The following OR2A7 variants were observed in gnomAD, a reference collection of about 807,000 sequenced individuals.
The protein encoded by OR2A7 is olfactory receptor family 2 subfamily A member 7.
For missense variants in OR2A7, 35 were observed against 359.2 expected, an observed-to-expected ratio of 0.10 and a Z score of 7.30; for synonymous variants, 10 against 147.1, an observed-to-expected ratio of 0.07 and a Z score of 6.74.
intron 1 of OR2A7, among the ~76,000 whole-genome samples, chr7:144,262,184 T>G (rs2052655837): frequency 2.0e-5 from 3 of 151,736 alleles, no homozygotes; most frequent in Non-Finnish European, 2.9e-5. Flanking sequence ...GAATTGAGCT[T>G]CTGTCTCATT....
rs1302136269 is a variant in OR2A7, at chr7:144,260,742, C to A, written c.-4-1110G>T. On this transcript the variant is annotated intron_variant, in intron 1 of 1. Coordinates refer to ENST00000641841, the MANE Select transcript of OR2A7 (RefSeq NM_001005328.2). The stretch of plus-strand genomic sequence containing the variant: ...TTTGCACCGTGTCATTATCTAAACA[C>A]GAAAACAGGATCAGTAACTTTTGTT... Among the ~76,000 whole-genome samples, 13 of 151,914 alleles carry A rather than the reference C, an allele frequency of 8.6e-5. 1 individual carries two copies. The highest frequency in any genetic ancestry group is 3.1e-4 in the African/African-American group (13 of 41,428).
At chr7:144,260,624 T>G (rs1199395117) in intron 1 of OR2A7, among the ~76,000 whole-genome samples, 1 of 151,982 alleles carries the variant, frequency 6.6e-6, no homozygotes, top group African/African-American at 2.4e-5. Context: ...CTTATCCAAG[T>G]GTAAAGACTT....
intron 1 of OR2A7, among the ~76,000 whole-genome samples, chr7:144,260,657 T>G (rs528851159): frequency 1.3e-5 from 2 of 152,064 alleles, no homozygotes; most frequent in East Asian, 3.9e-4. Context: ...AGAACCTTAT[T>G]TTTTGTTATT....
chr7:144,264,254 A>ATTATT (rs911151461), intron 1 of OR2A7, among the ~76,000 whole-genome samples: 522 of 151,380 alleles, frequency 3.4e-3, no homozygotes, highest in African/African-American at 0.012. Context: ...ACTTTTTGTC[A>ATTATT]TTATTTTATT....
chr7:144,264,291 G>C (rs1403927404), intron 1 of OR2A7, among the ~76,000 whole-genome samples: 2 of 151,606 alleles, frequency 1.3e-5, no homozygotes, highest in South Asian at 2.1e-4. Context: ...GTGGAGTCTT[G>C]TTCTGTTGCC....
In OR2A7 at chr7:144,261,485, A is replaced by T. The variant is rs1332707979; in HGVS notation, c.-4-1853T>A. On this transcript the variant is annotated intron_variant, in intron 1 of 1. Coordinates refer to ENST00000641841, the MANE Select transcript of OR2A7 (RefSeq NM_001005328.2). ...ACCTCATCTCTTTTAAAAAATTTTT[A>T]AAATAGTAATTATATGAAAAAAAAA... is the stretch of plus-strand genomic sequence containing the variant. Among the ~76,000 whole-genome samples, 20 of 151,582 alleles carry T rather than the reference A, an allele frequency of 1.3e-4. 1 individual carries two copies. The highest frequency in any genetic ancestry group is 3.1e-4 in the African/African-American group (13 of 41,434).
rs1461364263 is a variant in OR2A7, at chr7:144,264,788, G to A, written c.-92C>T. Reference sequence around the variant, plus strand: ...ACGTATCCGCATCATTAAACAACACGTGATTGTATAGTGTTAGCTTTTTGT... The same window carrying A: ...ACGTATCCGCATCATTAAACAACACATGATTGTATAGTGTTAGCTTTTTGT... On this transcript the variant is annotated 5_prime_UTR_variant, in exon 1 of 2. It adds an upstream start codon to the 5' untranslated region. Transcript: ENST00000641841. 10 of 151,690 alleles carry A rather than the reference G, an allele frequency of 6.6e-5. No homozygotes were observed. The highest frequency in any genetic ancestry group is 1.5e-4 in the Non-Finnish European group (10 of 67,970). 9.4% of individuals were successfully genotyped at this position (151,690 alleles called of 1,614,324 possible). A position where few individuals can be genotyped will look rare whatever the true frequency, so the allele number is the denominator to read the frequency against.
chr7:144,262,691 C>CT (rs2052661279), intron 1 of OR2A7, among the ~76,000 whole-genome samples: 1 of 87,528 alleles, frequency 1.1e-5, no homozygotes, highest in African/African-American at 4.2e-5. Context: ...GCAAAATTTA[C>CT]TTTTGAAAAT....
intron 1 of OR2A7, among the ~76,000 whole-genome samples, chr7:144,264,250 T>G (rs1476710810): frequency 1.3e-5 from 2 of 151,968 alleles, no homozygotes; most frequent in Non-Finnish European, 2.9e-5. Flanking sequence ...CTAAACTTTT[T>G]GTCATTATTT....
intron 1 of OR2A7, 21 bp from the exon 2 acceptor site, chr7:144,259,653 T>C: frequency 1.2e-6 from 2 of 1,601,922 alleles, no homozygotes; most frequent in Non-Finnish European, 1.7e-6. Flanking sequence ...GGAAATCAAG[T>C]TAATGCTCAT....
At chr7:144,264,441 G>T (rs1448784595) in intron 1 of OR2A7, among the ~76,000 whole-genome samples, 1 of 151,704 alleles carries the variant, frequency 6.6e-6, no homozygotes, top group East Asian at 1.9e-4. Flanking sequence ...TTATATTCTT[G>T]GTAGAGATGG....
rs1205714225 is a variant in OR2A7 at position 144,259,575 on chromosome 7, A to C, written c.54T>G (p.Val18=). Residue 18 remains valine, a synonymous_variant, in exon 2 of 2, where the codon GTT becomes GTG. Coordinates refer to ENST00000641841, the MANE Select transcript of OR2A7 (RefSeq NM_001005328.2). ...AGAGGAGCATCTGAATCCTTGGGCC[A>C]ACGGGAAATCCCAGTAGGAGGAACT... The part of the protein sequence containing the change: ...ITEFLLLGFP[V]GPRIQMLLFG... 1 of 1,612,792 alleles carries C rather than the reference A, an allele frequency of 6.2e-7. No individual in the cohort carries two copies. Among genetic ancestry groups the C allele is most frequent in the Non-Finnish European group, 8.5e-7 (1 of 1,179,802 alleles).
In OR2A7 at chr7:144,258,847, G is replaced by A. The variant is rs371978135; in HGVS notation, c.782C>T (p.Pro261Leu). Residue 261 changes from proline to leucine, a missense_variant, in exon 2 of 2, where the codon CCC becomes CTC. Pro to Leu is a moderately conservative substitution (Grantham distance 98, BLOSUM62 -3). Transcript: ENST00000641841. The stretch of plus-strand genomic sequence containing the variant: ...CTGCTCCTTGGGGTTCCCATATCTG[G>A]GTCCAACATACATGATAATGGCTGT... ...YGTAIIMYVG[P>L]RYGNPKEQKK... 19 of 1,613,464 alleles carry A rather than the reference G, an allele frequency of 1.2e-5. No individual in the cohort carries two copies. Among genetic ancestry groups the A allele is most frequent in the Non-Finnish European group, 1.3e-5 (15 of 1,179,914 alleles).
intron 1 of OR2A7, among the ~76,000 whole-genome samples, chr7:144,260,109 C>T (rs141120749): frequency 0.054 from 2,999 of 55,326 alleles, 7 homozygotes; most frequent in Middle Eastern, 0.21. Flanking sequence ...ACTCTGTCTC[C>T]AGAAAAAAAA....
intron 1 of OR2A7, among the ~76,000 whole-genome samples, chr7:144,262,791 AC>A (rs2052662677): frequency 7.2e-6 from 1 of 139,736 alleles, no homozygotes. Context: ...TGTTTTCTGA[AC>A]CCTTTCTATG....
Position 144,260,764 on chromosome 7 carries a change from T to C in OR2A7, c.-4-1132A>G, listed in dbSNP as rs1416351344. Among the ~76,000 whole-genome samples the C allele has an allele frequency of 5.3e-5, 8 of 151,808 alleles. No individual in the cohort carries two copies. The East Asian group carries it at 5.8e-4, about 11-fold the overall frequency. On this transcript the variant is annotated intron_variant, in intron 1 of 1. Transcript: ENST00000641841. ...ACACGAAAACAGGATCAGTAACTTT[T>C]GTTGGATTTGGGCTTACTATTGATA...
intron 1 of OR2A7, among the ~76,000 whole-genome samples, chr7:144,261,230 T>C (rs1379900629): frequency 6.6e-6 from 1 of 151,748 alleles, no homozygotes; most frequent in Non-Finnish European, 1.5e-5. Context: ...TTTGAGCTCC[T>C]AATCATCGCT....
chr7:144,260,052 T>C, intron 1 of OR2A7, among the ~76,000 whole-genome samples: 1 of 112,644 alleles, frequency 8.9e-6, no homozygotes, highest in Non-Finnish European at 1.8e-5. Flanking sequence ...GAGCTTGCAG[T>C]GAGCCGAGAT....
In OR2A7 at chr7:144,258,930, C is replaced by T. The variant is rs1382133598; in HGVS notation, c.699G>A (p.Gln233=). Residue 233 remains glutamine, a synonymous_variant, in exon 2 of 2, where the codon CAG becomes CAA. Transcript: ENST00000641841. The part of the protein sequence containing the change: ...AILQIQSREV[Q]RKAFCTCFSH... Reference sequence around the variant, plus strand: ...AGAAGCAGGTGCAGAAGGCTTTCCTCTGAACTTCCCTTGATTGGATCTGAA... The same window carrying T: ...AGAAGCAGGTGCAGAAGGCTTTCCTTTGAACTTCCCTTGATTGGATCTGAA... 1.2e-6 allele frequency: 2 copies of T among 1,613,554 alleles called. No homozygotes were observed. Among genetic ancestry groups the T allele is most frequent in the African/African-American group, 2.7e-5 (2 of 74,902 alleles).
Sources: gnomAD v4.1 joint callset for allele counts (sites outside exome capture counted in the v4.1 genomes callset) on GRCh38, gnomAD v4.1.1 for gene constraint, MANE v1.5 for transcripts, NCBI Gene and HGNC (gene_info 2026-07-23, HGNC 2026-07-21) for gene names.